Variants in MLIP observed in about 807,000 individuals in gnomAD.
MLIP encodes muscular LMNA interacting protein.
Under a neutral mutation model 84.8 loss-of-function variants are expected in MLIP, and 79 were observed. That is an observed-to-expected ratio of 0.93 (90% CI 0.78 to 1.12). The LOEUF is 1.12. Ranked by LOEUF, MLIP falls within the 50% of genes most tolerant of loss-of-function variation. The probability of loss-of-function intolerance (pLI) is 0.00; values close to 1 mark genes in which losing one functional copy is unlikely to be tolerated. For missense variants in MLIP, 1,257 were observed against 1,160.6 expected, an observed-to-expected ratio of 1.08 and a Z score of -1.21; for synonymous variants, 504 against 463.0, an observed-to-expected ratio of 1.09 and a Z score of -1.14.
intron 11 of MLIP, among the ~76,000 whole-genome samples, chr6:54,221,192 T>C (rs1040231992): frequency 6.6e-5 from 10 of 152,160 alleles, no homozygotes; most frequent in African/African-American, 2.4e-4. Flanking sequence ...ATAGTCTTCA[T>C]TATTTTAGAA....
intron 4 of MLIP, among the ~76,000 whole-genome samples, chr6:54,140,273 A>G (rs959271654): frequency 1.3e-5 from 2 of 152,158 alleles, no homozygotes; most frequent in Non-Finnish European, 2.9e-5. Flanking sequence ...TGTTTTGGAT[A>G]TAGTCAGAGA....
chr6:54,022,934 G>A (rs1763579328), intron 1 of MLIP, among the ~76,000 whole-genome samples: 1 of 152,072 alleles, frequency 6.6e-6, no homozygotes, highest in African/African-American at 2.4e-5. Flanking sequence ...TTAGGAGGCC[G>A]AGGTGGGCGG....
intron 4 of MLIP, among the ~76,000 whole-genome samples, chr6:54,147,695 ATGAT>A (rs1032523518): frequency 6.6e-6 from 1 of 151,990 alleles, no homozygotes; most frequent in Non-Finnish European, 1.5e-5. Flanking sequence ...GTGTTTCTGA[ATGAT>A]TGTGTGTGTG....
Position 54,063,095 on chromosome 6 carries a change from A to G in MLIP, c.63+44004A>G, listed in dbSNP as rs182397143. 1.6e-4 allele frequency among the ~76,000 whole-genome samples: 24 copies of G among 152,108 alleles called. 1 individual carries two copies. The South Asian group carries it at 4.1e-3, about 26-fold the overall frequency. On this transcript the variant is annotated intron_variant, in intron 1 of 12. Transcript: ENST00000274897. ...GTGGCGTACGCCTGTAATCCCAGCTACTTGGGAGGCTAAGGCAGGAGAACT... is the reference window on the plus strand; with the variant it reads ...GTGGCGTACGCCTGTAATCCCAGCTGCTTGGGAGGCTAAGGCAGGAGAACT...
At chr6:54,150,602 T>C (rs1773342108) in intron 5 of MLIP, among the ~76,000 whole-genome samples, 1 of 152,194 alleles carries the variant, frequency 6.6e-6, no homozygotes, top group African/African-American at 2.4e-5. Flanking sequence ...ATGCTCGTCT[T>C]TCCCTCATAC....
intron 10 of MLIP, among the ~76,000 whole-genome samples, chr6:54,200,070 C>A (rs769341648): frequency 6.6e-6 from 1 of 152,040 alleles, no homozygotes; most frequent in Non-Finnish European, 1.5e-5. Context: ...GGTAGAGAAG[C>A]AAATATGAAG....
intron 11 of MLIP, among the ~76,000 whole-genome samples, chr6:54,229,966 G>T (rs927872346): frequency 6.6e-6 from 1 of 151,896 alleles, no homozygotes; most frequent in Non-Finnish European, 1.5e-5. Flanking sequence ...TGATTTCCTT[G>T]CTCCATTCAC....
chr6:54,088,818 C>T (rs1767667734), intron 1 of MLIP, among the ~76,000 whole-genome samples: 2 of 152,016 alleles, frequency 1.3e-5, no homozygotes. Context: ...ATACATTTGT[C>T]CACCAGCACA....
chr6:54,191,076 T>G (rs1253943747), intron 10 of MLIP, among the ~76,000 whole-genome samples: 2 of 152,158 alleles, frequency 1.3e-5, no homozygotes, highest in African/African-American at 4.8e-5. Flanking sequence ...ATTACAGGTG[T>G]GAGCCATCGC....
intron 1 of MLIP, among the ~76,000 whole-genome samples, chr6:54,069,122 C>G (rs1363611100): frequency 4.0e-5 from 4 of 101,240 alleles, no homozygotes; most frequent in Admixed American, 9.1e-5. Flanking sequence ...CAGTGGTGCT[C>G]CATGTGTTTT....
chr6:54,166,108 T>C (rs1428706541), intron 8 of MLIP, among the ~76,000 whole-genome samples: 1 of 151,958 alleles, frequency 6.6e-6, no homozygotes, highest in Non-Finnish European at 1.5e-5. Context: ...CCAAATGTGC[T>C]AAGACCATTT....
upstream of MLIP, among the ~76,000 whole-genome samples, chr6:54,111,133 C>T (rs542440332): frequency 6.6e-6 from 1 of 152,216 alleles, no homozygotes; most frequent in Non-Finnish European, 1.5e-5. Context: ...GCTGCACAAT[C>T]TGGCTTTTCT....
At chr6:54,117,469 C>T (rs1383677740) in intron 1 of MLIP, among the ~76,000 whole-genome samples, 1 of 151,428 alleles carries the variant, frequency 6.6e-6, no homozygotes, top group Non-Finnish European at 1.5e-5. Context: ...CCACCTCAGC[C>T]TCCCAAAGTG....
At chr6:54,181,433 G>A (rs544678214) in intron 9 of MLIP, among the ~76,000 whole-genome samples, 18 of 152,164 alleles carry the variant, frequency 1.2e-4, no homozygotes, top group African/African-American at 4.3e-4. Flanking sequence ...TTCTGGCCCA[G>A]GGCTGGTCCA....
chr6:54,049,635 C>T (rs1193652496), intron 1 of MLIP, among the ~76,000 whole-genome samples: 5 of 152,132 alleles, frequency 3.3e-5, no homozygotes, highest in Non-Finnish European at 7.4e-5. Flanking sequence ...CTTTCTTACC[C>T]TACAAGATGG....
intron 1 of MLIP, among the ~76,000 whole-genome samples, chr6:54,102,896 A>G (rs994565211): frequency 2.0e-5 from 3 of 152,208 alleles, no homozygotes; most frequent in Non-Finnish European, 4.4e-5. Context: ...TAGAAGTACA[A>G]GTGCTAAGAG....
At chr6:54,251,846 T>G (rs1782558478) in intron 12 of MLIP, among the ~76,000 whole-genome samples, 1 of 77,322 alleles carries the variant, frequency 1.3e-5, no homozygotes, top group South Asian at 4.4e-4. Context: ...TTATAACATA[T>G]AATATATAAT....
intron 12 of MLIP, among the ~76,000 whole-genome samples, chr6:54,239,873 G>A (rs1321403007): frequency 1.3e-5 from 2 of 152,022 alleles, no homozygotes; most frequent in Non-Finnish European, 2.9e-5. Flanking sequence ...AACCCTTCCA[G>A]TCAATAAATA....
chr6:54,253,778 AT>A (rs879288287), intron 12 of MLIP, among the ~76,000 whole-genome samples: 7 of 152,144 alleles, frequency 4.6e-5, no homozygotes, highest in Non-Finnish European at 1.0e-4. Flanking sequence ...TGTAATAAAA[AT>A]CAACTGAATG....
Sources: gnomAD v4.1 joint callset for allele counts (sites outside exome capture counted in the v4.1 genomes callset) on GRCh38, gnomAD v4.1.1 for gene constraint, MANE v1.5 for transcripts, NCBI Gene and HGNC (gene_info 2026-07-23, HGNC 2026-07-21) for gene names.